The following SGCZ variants were observed in gnomAD, a reference collection of about 807,000 sequenced individuals.
SGCZ encodes the protein zeta-sarcoglycan.
Under a neutral mutation model 41.3 loss-of-function variants are expected in SGCZ, and 40 were observed. The observed-to-expected ratio is 0.97, with a 90% CI of 0.75 to 1.26. The LOEUF is 1.26. Ranked by LOEUF, SGCZ falls within the 50% of genes most tolerant of loss-of-function variation. The pLI is 0.00. For synonymous variants in SGCZ, 206 were observed against 137.5 expected, an observed-to-expected ratio of 1.50 and a Z score of -3.49; for missense variants, 552 against 369.8, an observed-to-expected ratio of 1.49 and a Z score of -4.04.
chr8:14,217,987 G>T (rs942820727), intron 4 of SGCZ, among the ~76,000 whole-genome samples: 1 of 151,912 alleles, frequency 6.6e-6, no homozygotes, highest in Non-Finnish European at 1.5e-5. Context: ...TCTCAATCTG[G>T]TAACAGAGTC....
intron 1 of SGCZ, among the ~76,000 whole-genome samples, chr8:15,073,542 G>A (rs1397012180): frequency 6.6e-6 from 1 of 152,176 alleles, no homozygotes; most frequent in African/African-American, 2.4e-5. Flanking sequence ...TACTGAGAAG[G>A]TATTTTTAGA....
At chr8:14,186,767 A>C (rs1350691806) in intron 4 of SGCZ, among the ~76,000 whole-genome samples, 3 of 152,200 alleles carry the variant, frequency 2.0e-5, no homozygotes, top group Non-Finnish European at 4.4e-5. Flanking sequence ...GTACTTTATA[A>C]AATAATGTTG....
At chr8:14,134,656 C>G (rs1203626018) in intron 5 of SGCZ, among the ~76,000 whole-genome samples, 2 of 152,154 alleles carry the variant, frequency 1.3e-5, no homozygotes, top group African/African-American at 2.4e-5. Flanking sequence ...GGTAAATCCT[C>G]TTTACCTATG....
At chr8:14,868,872 T>A (rs2130697826) in intron 1 of SGCZ, among the ~76,000 whole-genome samples, 1 of 151,876 alleles carries the variant, frequency 6.6e-6, no homozygotes, top group Non-Finnish European at 1.5e-5. Context: ...ACACACACCC[T>A]CCCAAGGCTA....
intron 1 of SGCZ, among the ~76,000 whole-genome samples, chr8:15,066,132 C>T (rs1353646267): frequency 6.6e-6 from 1 of 151,794 alleles, no homozygotes; most frequent in Non-Finnish European, 1.5e-5. Context: ...CAAGGTGAAA[C>T]CCCGTCTCTA....
intron 1 of SGCZ, among the ~76,000 whole-genome samples, chr8:14,879,520 G>A (rs1226762344): frequency 2.0e-5 from 3 of 151,262 alleles, no homozygotes; most frequent in African/African-American, 7.3e-5. Context: ...CCATTGTTTT[G>A]CTCTGAGTTT....
At chr8:14,383,843 G>A (rs576228563) in intron 2 of SGCZ, among the ~76,000 whole-genome samples, 11 of 152,232 alleles carry the variant, frequency 7.2e-5, no homozygotes, top group Admixed American at 2.0e-4. Flanking sequence ...GAAGAGGTTT[G>A]AGCATTATTT....
chr8:14,260,388 C>G lies in SGCZ; in HGVS notation c.337-22709G>C, dbSNP rs562617587. 4.3e-4 allele frequency among the ~76,000 whole-genome samples: 63 copies of G among 145,682 alleles called. 3 individuals are homozygous for G. Among genetic ancestry groups the G allele is most frequent in the African/African-American group, 1.4e-3 (56 of 40,600 alleles). Reference sequence around the variant, plus strand: ...CCATCAGAGAAATACAAATCAAAACCACAATGAGATACCATCTCACACCAG... The same window carrying G: ...CCATCAGAGAAATACAAATCAAAACGACAATGAGATACCATCTCACACCAG... On this transcript the variant is annotated intron_variant, in intron 3 of 7. Transcript: ENST00000382080.
At chr8:14,551,419 A>C in intron 2 of SGCZ, among the ~76,000 whole-genome samples, 1 of 104,992 alleles carries the variant, frequency 9.5e-6, no homozygotes, top group Non-Finnish European at 1.9e-5. Flanking sequence ...CAAATTGATG[A>C]TTCAAATTTT....
At chr8:14,462,511 C>G (rs1249358442) in intron 2 of SGCZ, among the ~76,000 whole-genome samples, 1 of 151,808 alleles carries the variant, frequency 6.6e-6, no homozygotes, top group Non-Finnish European at 1.5e-5. Context: ...TCATTCGACC[C>G]AATTTTTTGA....
At chr8:14,705,693 C>T (rs1346180616) in intron 1 of SGCZ, among the ~76,000 whole-genome samples, 1 of 152,014 alleles carries the variant, frequency 6.6e-6, no homozygotes, top group Non-Finnish European at 1.5e-5. Context: ...AGATTACTTG[C>T]ACTGATTACA....
At chr8:14,116,690 T>C (rs1802533844) in intron 5 of SGCZ, among the ~76,000 whole-genome samples, 2 of 152,146 alleles carry the variant, frequency 1.3e-5, no homozygotes, top group South Asian at 4.1e-4. Flanking sequence ...ATTTTTATTT[T>C]ATCACTTGCC....
intron 1 of SGCZ, among the ~76,000 whole-genome samples, chr8:14,876,164 T>C (rs17120454): frequency 0.023 from 3,428 of 152,154 alleles, 45 homozygotes; most frequent in Middle Eastern, 0.045. Context: ...AAGCACTATC[T>C]CAAGAGCACA....
At chr8:14,958,214 G>C (rs1563391183) in intron 1 of SGCZ, among the ~76,000 whole-genome samples, 2 of 151,544 alleles carry the variant, frequency 1.3e-5, no homozygotes, top group East Asian at 1.9e-4. Context: ...ATTCTGATGA[G>C]TAAAAAAGGG....
intron 2 of SGCZ, among the ~76,000 whole-genome samples, chr8:14,456,226 T>C (rs532995092): frequency 3.9e-5 from 6 of 152,014 alleles, no homozygotes; most frequent in Non-Finnish European, 8.8e-5. Flanking sequence ...CTGACCAACA[T>C]AGTGAAACCC....
intron 1 of SGCZ, among the ~76,000 whole-genome samples, chr8:14,845,001 C>T (rs1171072638): frequency 9.2e-5 from 14 of 152,108 alleles, no homozygotes; most frequent in Admixed American, 9.2e-4. Flanking sequence ...GAAAAGGCAG[C>T]TAGAATTTAC....
chr8:14,828,391 T>A (rs746999863), intron 1 of SGCZ, among the ~76,000 whole-genome samples: 1 of 152,206 alleles, frequency 6.6e-6, no homozygotes, highest in Non-Finnish European at 1.5e-5. Context: ...TTTCAATTGG[T>A]TCCACTTACA....
At chr8:14,915,385 T>C (rs1799402790) in intron 1 of SGCZ, among the ~76,000 whole-genome samples, 2 of 152,024 alleles carry the variant, frequency 1.3e-5, no homozygotes, top group Admixed American at 6.6e-5. Context: ...CGGTAAGACT[T>C]TTCTCTTTAA....
chr8:14,878,908 G>C (rs1006429170), intron 1 of SGCZ: 1 of 151,758 alleles, frequency 6.6e-6, no homozygotes, highest in African/African-American at 2.4e-5. Context: ...GGTTCTTACA[G>C]TTTTGTTGTT....
Sources: allele counts gnomAD v4.1 joint callset (sites outside exome capture counted in the v4.1 genomes callset), GRCh38; gene constraint gnomAD v4.1.1; transcripts MANE v1.5; gene names NCBI Gene and HGNC (gene_info 2026-07-23, HGNC 2026-07-21).